ADGRL3: variants seen among roughly 807,000 people sequenced by gnomAD.
The protein encoded by ADGRL3 is adhesion G protein-coupled receptor L3.
A neutral mutation model predicts 153.5 loss-of-function variants in ADGRL3; 62 were observed. The ratio of observed to expected loss-of-function variants is 0.40; its 90% CI spans 0.33 to 0.50. The LOEUF (loss-of-function observed/expected upper bound fraction) is 0.50, where lower values mean the gene tolerates loss of function less well. Ranked by LOEUF, ADGRL3 falls within the 20% of genes least tolerant of loss-of-function variation. The pLI is 0.47. For synonymous variants in ADGRL3, 710 were observed against 672.5 expected, an observed-to-expected ratio of 1.06 and a Z score of -0.86; for missense variants, 1,641 against 1,859.4, an observed-to-expected ratio of 0.88 and a Z score of 2.16.
intron 8 of ADGRL3, among the ~76,000 whole-genome samples, chr4:61,764,203 T>C (rs1483889643): frequency 6.6e-6 from 1 of 152,198 alleles, no homozygotes; most frequent in African/African-American, 2.4e-5. Context: ...ACATTACGTA[T>C]ACATATACAA....
chr4:61,447,359 G>T (rs1160034391), intron 2 of ADGRL3, among the ~76,000 whole-genome samples: 1 of 151,864 alleles, frequency 6.6e-6, no homozygotes, highest in Non-Finnish European at 1.5e-5. Flanking sequence ...GTCAAATCAT[G>T]GTTATAAGAT....
chr4:61,288,466 T>C (rs1216080644), intron 1 of ADGRL3, among the ~76,000 whole-genome samples: 3 of 152,002 alleles, frequency 2.0e-5, no homozygotes, highest in Admixed American at 1.3e-4. Flanking sequence ...AAGATGGCTT[T>C]CAGATGTCTT....
At chr4:61,769,074 G>A in intron 8 of ADGRL3, among the ~76,000 whole-genome samples, 1 of 151,562 alleles carries the variant, frequency 6.6e-6, no homozygotes, top group East Asian at 1.9e-4. Flanking sequence ...CCTGCCCCAG[G>A]AAAGCGGGAC....
chr4:61,937,551 C>A (rs191731188), intron 15 of ADGRL3, among the ~76,000 whole-genome samples: 1 of 152,112 alleles, frequency 6.6e-6, no homozygotes, highest in Non-Finnish European at 1.5e-5. Flanking sequence ...GTAGACTCCT[C>A]TTTCCCAATC....
At chr4:61,483,851 A>T (rs534426101) in intron 2 of ADGRL3, among the ~76,000 whole-genome samples, 5 of 150,616 alleles carry the variant, frequency 3.3e-5, no homozygotes, top group Admixed American at 1.3e-4. Flanking sequence ...ATGTACATTT[A>T]TATAAAATAT....
chr4:61,637,742 C>T (rs984825078), intron 5 of ADGRL3, among the ~76,000 whole-genome samples: 2 of 152,090 alleles, frequency 1.3e-5, no homozygotes, highest in Non-Finnish European at 2.9e-5. Context: ...GCCTGGGTGA[C>T]AGAGTGAAAC....
intron 5 of ADGRL3, among the ~76,000 whole-genome samples, chr4:61,600,619 T>C (rs569693606): frequency 3.0e-4 from 46 of 152,306 alleles, no homozygotes; most frequent in Admixed American, 7.8e-4. Flanking sequence ...ATCTGTTTTT[T>C]CCACAAGGAT....
intron 5 of ADGRL3, among the ~76,000 whole-genome samples, chr4:61,641,538 T>G (rs2093672876): frequency 6.6e-6 from 1 of 150,754 alleles, no homozygotes; most frequent in African/African-American, 2.4e-5. Context: ...TATGCAGTGT[T>G]TGGTTTTTTG....
At chr4:61,379,074 GA>G (rs1242276496) in intron 1 of ADGRL3, among the ~76,000 whole-genome samples, 1 of 151,856 alleles carries the variant, frequency 6.6e-6, no homozygotes, top group African/African-American at 2.4e-5. Flanking sequence ...AAATAGAGAT[GA>G]AAAAACAATC....
intron 5 of ADGRL3, among the ~76,000 whole-genome samples, chr4:61,654,157 T>C (rs2094366255): frequency 6.6e-6 from 1 of 152,216 alleles, no homozygotes; most frequent in Admixed American, 6.5e-5. Flanking sequence ...ATTTCTCATA[T>C]TATGTACCTA....
chr4:61,339,010 C>T (rs1353137014), intron 1 of ADGRL3, among the ~76,000 whole-genome samples: 1 of 152,056 alleles, frequency 6.6e-6, no homozygotes, highest in Non-Finnish European at 1.5e-5. Flanking sequence ...TTAATGAGTA[C>T]TGATGATAGT....
chr4:61,492,506 A>G (rs957249610), intron 2 of ADGRL3, among the ~76,000 whole-genome samples: 2 of 152,124 alleles, frequency 1.3e-5, no homozygotes, highest in Non-Finnish European at 2.9e-5. Context: ...TGTTTGGTGT[A>G]TAGAAAGGAA....
At chr4:61,657,959 T>C (rs1018184359) in intron 5 of ADGRL3, among the ~76,000 whole-genome samples, 1 of 152,160 alleles carries the variant, frequency 6.6e-6, no homozygotes, top group Non-Finnish European at 1.5e-5. Flanking sequence ...AAATGCTTGA[T>C]GAAAGACACT....
intron 5 of ADGRL3, among the ~76,000 whole-genome samples, chr4:61,668,640 C>A (rs879732713): frequency 6.6e-6 from 1 of 152,100 alleles, no homozygotes; most frequent in Non-Finnish European, 1.5e-5. Context: ...AATCACAGAT[C>A]TTCATTTACA....
At chr4:61,862,825 C>T (rs1300678933) in intron 9 of ADGRL3, among the ~76,000 whole-genome samples, 1 of 152,098 alleles carries the variant, frequency 6.6e-6, no homozygotes, top group Non-Finnish European at 1.5e-5. Flanking sequence ...TTGAGAAGCA[C>T]TGCTCAACAC....
intron 5 of ADGRL3, among the ~76,000 whole-genome samples, chr4:61,668,541 A>G (rs1281094315): frequency 6.6e-6 from 1 of 152,202 alleles, no homozygotes; most frequent in Non-Finnish European, 1.5e-5. Flanking sequence ...GATTCAAATT[A>G]TATTTCTTTA....
intron 17 of ADGRL3, among the ~76,000 whole-genome samples, chr4:61,958,621 G>T (rs1560431077): frequency 6.6e-6 from 1 of 152,018 alleles, no homozygotes. Context: ...TCTTCACAAG[G>T]TGGTGAGAGA....
chr4:61,430,560 T>C (rs983338675), intron 2 of ADGRL3, among the ~76,000 whole-genome samples: 30 of 152,182 alleles, frequency 2.0e-4, no homozygotes, highest in African/African-American at 7.2e-4. Context: ...TTTTTCATTC[T>C]TCTTTTAGCC....
intron 2 of ADGRL3, among the ~76,000 whole-genome samples, chr4:61,409,381 T>TTA (rs557899698): frequency 1.6e-5 from 2 of 123,878 alleles, no homozygotes; most frequent in East Asian, 4.5e-4. Flanking sequence ...AAGACATATA[T>TTA]TATATATATA....
Sources: gnomAD v4.1 joint callset for allele counts (sites outside exome capture counted in the v4.1 genomes callset) on GRCh38, gnomAD v4.1.1 for gene constraint, MANE v1.5 for transcripts, NCBI Gene and HGNC (gene_info 2026-07-23, HGNC 2026-07-21) for gene names.